The following EMP1 variants were observed in gnomAD, a reference collection of about 807,000 sequenced individuals.
The protein encoded by EMP1 is tumor-associated membrane protein.
EMP1 carries 5 observed loss-of-function variants against 15.7 expected under a neutral mutation model. That is an observed-to-expected ratio of 0.32 (90% CI 0.17 to 0.67). EMP1 has a LOEUF of 0.67. Among genes scored for constraint, EMP1 ranks in the 30% least tolerant of loss-of-function variants. EMP1 has a pLI of 0.74. For missense variants in EMP1, 166 were observed against 194.2 expected (o/e 0.85, Z 0.86); for synonymous variants, 78 against 76.7 (o/e 1.02, Z -0.09).
At chr12:13,204,565 G>C (rs972009902) in intron 1 of EMP1, among the ~76,000 whole-genome samples, 9 of 152,192 alleles carry the variant, frequency 5.9e-5, no homozygotes, top group African/African-American at 2.2e-4. Context: ...GGACAGAAAG[G>C]CTTTCGTGCC....
At position 13,216,338 on chromosome 12, in the gene EMP1, T is replaced by G. The variant is rs1034690113; in HGVS notation, c.*1647T>G. On this transcript the variant is annotated 3_prime_UTR_variant, in exon 5 of 5. Transcript: ENST00000256951. ...GGTATTTATGTAAAAGGATTATTAC[T>G]AATTCTATTTCTCTATGTTTATTCT... 26 of 700,062 alleles carry G rather than the reference T, an allele frequency of 3.7e-5. No individual in the cohort carries two copies. Among genetic ancestry groups the G allele is most frequent in the African/African-American group, 3.7e-4 (21 of 57,272 alleles). 43.4% of individuals were successfully genotyped at this position (700,062 alleles called of 1,614,324 possible).
At chr12:13,206,993 A>T (rs1864116352) in intron 1 of EMP1, among the ~76,000 whole-genome samples, 1 of 151,498 alleles carries the variant, frequency 6.6e-6, no homozygotes, top group Non-Finnish European at 1.5e-5. Flanking sequence ...GAAGCCAATA[A>T]AGATTTAAAT....
chr12:13,214,486 G>T (rs368464560), intron 4 of EMP1, 48 bp from the exon 5 acceptor site: 1 of 1,583,036 alleles, frequency 6.3e-7, no homozygotes, highest in Non-Finnish European at 8.6e-7. Flanking sequence ...ACTTTTTCTC[G>T]ACTTTAATGT....
At chr12:13,212,646 AC>A (rs767188873) in intron 2 of EMP1, among the ~76,000 whole-genome samples, 9 of 152,358 alleles carry the variant, frequency 5.9e-5, no homozygotes, top group Non-Finnish European at 1.3e-4. Context: ...TCTGTGAATT[AC>A]CAGCCCCTAA....
At position 13,215,208 on chromosome 12, in the gene EMP1, T is replaced by C. The variant is rs1409995868; in HGVS notation, c.*517T>C. ...CTGGGGGGCTTTGGCCTGTGAGCCA[T>C]TGTCCCTCTTTGGAACAGATATTTA... On this transcript the variant is annotated 3_prime_UTR_variant, in exon 5 of 5. Transcript: ENST00000256951. The C allele has an allele frequency of 1.3e-5, 2 of 154,246 alleles. No homozygotes were observed. The highest frequency in any genetic ancestry group is 2.4e-5 in the African/African-American group (1 of 41,478). 9.6% of individuals were successfully genotyped at this position (154,246 alleles called of 1,614,324 possible). A position where few individuals can be genotyped will look rare whatever the true frequency, so the allele number is the denominator to read the frequency against.
chr12:13,202,368 G>A (rs1363446855), intron 1 of EMP1, among the ~76,000 whole-genome samples: 1 of 152,130 alleles, frequency 6.6e-6, no homozygotes, highest in Non-Finnish European at 1.5e-5. Flanking sequence ...CCTCTTCCAG[G>A]TCAGATCAGA....
At position 13,216,455 on chromosome 12, in the gene EMP1, CATT is replaced by C. The variant is rs1367349724; in HGVS notation, c.*1767_*1769del. On this transcript the variant is annotated 3_prime_UTR_variant, in exon 5 of 5. Coordinates refer to ENST00000256951, the MANE Select transcript of EMP1 (RefSeq NM_001423.3). ...AAAACTGTGGGAAGATGAACTTTGT[CATT>C]ATGATTTCATTATCACATGATTATA... 1 of 702,540 alleles carries C rather than the reference CATT, an allele frequency of 1.4e-6. No individual in the cohort carries two copies. The highest frequency in any genetic ancestry group is 2.0e-5 in the Admixed American group (1 of 49,994). 43.5% of individuals were successfully genotyped at this position (702,540 alleles called of 1,614,324 possible).
Position 13,215,569 on chromosome 12 carries a change from A to G in EMP1, c.*878A>G, listed in dbSNP as rs1267721365. On this transcript the variant is annotated 3_prime_UTR_variant, in exon 5 of 5. Transcript: ENST00000256951. ...GGTTATGTTTTTAGGATTCCCCTCA[A>G]TGCAGTCAGTGTTTCTTTTAAGTAT... 2 of 152,220 alleles carry G rather than the reference A, an allele frequency of 1.3e-5. No individual in the cohort carries two copies. The highest frequency in any genetic ancestry group is 6.5e-5 in the Admixed American group (1 of 15,288). The allele number at this position is 152,220 out of a possible 1,614,324, so 9.4% of individuals were successfully genotyped here.
rs1864186779 is a variant in EMP1 at position 13,213,678 on chromosome 12, C to CGT, written c.176-3_176-2insGT. The CGT allele has an allele frequency of 1.2e-6, 2 of 1,614,076 alleles. No individual in the cohort carries two copies. The highest frequency in any genetic ancestry group is 1.7e-6 in the Non-Finnish European group (2 of 1,179,910). On this transcript the variant is annotated splice_polypyrimidine_tract_variant and splice_region_variant and intron_variant, in intron 3 of 4. Transcript: ENST00000256951. The stretch of plus-strand genomic sequence containing the variant: ...CCTTGTTCTCCTCGTCCTGTGTCTA[C>CGT]AGATGCCCTCAAGACAGTGCAGGCC...
intron 1 of EMP1, among the ~76,000 whole-genome samples, chr12:13,209,918 CAGTTA>C (rs1190067751): frequency 6.6e-6 from 1 of 152,104 alleles, no homozygotes. Context: ...TTTGCATTCA[CAGTTA>C]AGTTGGACAC....
chr12:13,204,582 C>T (rs986378795), intron 1 of EMP1, among the ~76,000 whole-genome samples: 2 of 152,146 alleles, frequency 1.3e-5, no homozygotes, highest in African/African-American at 4.8e-5. Flanking sequence ...TGCCACCCTG[C>T]GTGGTGTCTT....
intron 1 of EMP1, among the ~76,000 whole-genome samples, chr12:13,201,181 A>C (rs1301502241): frequency 6.6e-6 from 1 of 152,158 alleles, no homozygotes; most frequent in Non-Finnish European, 1.5e-5. Context: ...CTGAGGTGGG[A>C]GGATCACTTG....
intron 1 of EMP1, among the ~76,000 whole-genome samples, chr12:13,207,232 C>A (rs1250946605): frequency 6.6e-6 from 1 of 152,134 alleles, no homozygotes; most frequent in Admixed American, 6.5e-5. Context: ...CTGCCTCAGC[C>A]TCCCCAGTAG....
intron 1 of EMP1, chr12:13,209,047 C>T (rs1382261613): frequency 6.6e-6 from 1 of 152,190 alleles, no homozygotes; most frequent in Non-Finnish European, 1.5e-5. Flanking sequence ...TTTTCTGTGA[C>T]TCATTTAAGT....
intron 2 of EMP1, 29 bp from the exon 3 acceptor site, chr12:13,213,450 A>G: frequency 6.2e-7 from 1 of 1,602,454 alleles, no homozygotes; most frequent in Non-Finnish European, 8.5e-7. Context: ...CCAGCTTTCA[A>G]TTAACATTTT....
chr12:13,219,742 G>C lies in EMP1; in HGVS notation c.*5051G>C, dbSNP rs1248938162. The C allele has an allele frequency of 1.3e-5, 2 of 152,168 alleles. No homozygotes were observed. Among genetic ancestry groups the C allele is most frequent in the East Asian group, 3.8e-4 (2 of 5,200 alleles). The allele number at this position is 152,168 out of a possible 1,614,324, so 9.4% of individuals were successfully genotyped here. On this transcript the variant is annotated 3_prime_UTR_variant, in exon 5 of 5. Transcript: ENST00000256951. ...AGATTAATTAAACAACAGTGGATGG[G>C]GAGGAAGAACAGACTTTTGAGCTCT...
intron 1 of EMP1, among the ~76,000 whole-genome samples, chr12:13,203,606 C>T (rs2121147949): frequency 6.6e-6 from 1 of 152,400 alleles, no homozygotes; most frequent in Non-Finnish European, 1.5e-5. Flanking sequence ...CCGAGCCTCT[C>T]ATTTTACACA....
chr12:13,218,411 A>G lies in EMP1; in HGVS notation c.*3720A>G, dbSNP rs181896565. 10 of 152,352 alleles carry G rather than the reference A, an allele frequency of 6.6e-5. No homozygotes were observed. Among genetic ancestry groups the G allele is most frequent in the Admixed American group, 5.9e-4 (9 of 15,306 alleles). The allele number at this position is 152,352 out of a possible 1,614,324, so 9.4% of individuals were successfully genotyped here. ...GTATAGATGAAATGTCCTAGCGAAA[A>G]TGTTTAAATGTATTTAAAGAAGAGC... On this transcript the variant is annotated 3_prime_UTR_variant, in exon 5 of 5. Transcript: ENST00000256951.
chr12:13,209,898 C>T (rs755713055), intron 1 of EMP1, among the ~76,000 whole-genome samples: 2 of 152,110 alleles, frequency 1.3e-5, no homozygotes, highest in Non-Finnish European at 2.9e-5. Context: ...GCAGGATAAA[C>T]GTCATAATTT....
Sources: allele counts gnomAD v4.1 joint callset (sites outside exome capture counted in the v4.1 genomes callset), GRCh38; gene constraint gnomAD v4.1.1; transcripts MANE v1.5; gene names NCBI Gene and HGNC (gene_info 2026-07-23, HGNC 2026-07-21).